Variants in ZCCHC7 observed in about 807,000 individuals in gnomAD.
ZCCHC7 encodes zinc finger CCHC-type containing 7, also known as zinc finger CCHC domain-containing protein 7.
A neutral mutation model predicts 52.0 loss-of-function variants in ZCCHC7; 35 were observed. That is an observed-to-expected ratio of 0.67 (90% CI 0.51 to 0.89). ZCCHC7 has a LOEUF of 0.89. ZCCHC7 is among the 40% of genes least tolerant of loss of function. The pLI, the probability that ZCCHC7 is intolerant of heterozygous loss-of-function variation, is 0.00. For missense variants in ZCCHC7, 574 were observed against 649.1 expected (o/e 0.88, Z 1.26); for synonymous variants, 217 against 221.5 (o/e 0.98, Z 0.18).
intron 2 of ZCCHC7, among the ~76,000 whole-genome samples, chr9:37,217,242 AAAAAG>A (rs1299255600): frequency 6.6e-6 from 1 of 152,192 alleles, no homozygotes; most frequent in Non-Finnish European, 1.5e-5. Flanking sequence ...CCGTGAAAAT[AAAAAG>A]AAATGTTTCA....
intron 5 of ZCCHC7, among the ~76,000 whole-genome samples, chr9:37,306,667 G>T (rs978653992): frequency 7.0e-6 from 1 of 142,042 alleles, no homozygotes; most frequent in African/African-American, 2.6e-5. Context: ...GTTTCACCAC[G>T]TTGGCCAGGA....
chr9:37,220,476 A>C (rs1824751389), intron 2 of ZCCHC7, among the ~76,000 whole-genome samples: 1 of 152,186 alleles, frequency 6.6e-6, no homozygotes, highest in East Asian at 1.9e-4. Context: ...CGGGAGGCGA[A>C]AGTTGCAGTG....
At chr9:37,323,447 G>A (rs1830126774) in intron 5 of ZCCHC7, among the ~76,000 whole-genome samples, 1 of 152,112 alleles carries the variant, frequency 6.6e-6, no homozygotes. Context: ...GACCTTGGGT[G>A]GAAAGATGAT....
chr9:37,134,145 AT>A (rs928749242), intron 2 of ZCCHC7, among the ~76,000 whole-genome samples: 4 of 151,492 alleles, frequency 2.6e-5, no homozygotes, highest in Non-Finnish European at 2.9e-5. Flanking sequence ...CTGGCTCCTA[AT>A]TTTTTTTTCT....
At chr9:37,289,271 TC>T (rs1420763676) in intron 2 of ZCCHC7, among the ~76,000 whole-genome samples, 1 of 151,786 alleles carries the variant, frequency 6.6e-6, no homozygotes, top group Non-Finnish European at 1.5e-5. Flanking sequence ...TGCATCAGCC[TC>T]CCAAGTAGCT....
intron 2 of ZCCHC7, among the ~76,000 whole-genome samples, chr9:37,266,494 T>C (rs1680172232): frequency 6.6e-6 from 1 of 152,192 alleles, no homozygotes; most frequent in South Asian, 2.1e-4. Context: ...TTTAAAAATA[T>C]ATAAAAATAG....
At chr9:37,138,181 G>A (rs1376087648) in intron 2 of ZCCHC7, among the ~76,000 whole-genome samples, 3 of 152,106 alleles carry the variant, frequency 2.0e-5, no homozygotes, top group Non-Finnish European at 4.4e-5. Context: ...ATAATGACTT[G>A]AGCTGTGTTA....
At chr9:37,143,535 A>G (rs1313654050) in intron 2 of ZCCHC7, among the ~76,000 whole-genome samples, 1 of 151,614 alleles carries the variant, frequency 6.6e-6, no homozygotes, top group Non-Finnish European at 1.5e-5. Context: ...TCTGTGTATG[A>G]AAGAAAATAG....
intron 2 of ZCCHC7, among the ~76,000 whole-genome samples, chr9:37,295,026 C>G (rs973660346): frequency 1.3e-5 from 2 of 152,212 alleles, no homozygotes; most frequent in African/African-American, 2.4e-5. Context: ...GGTAACTAAG[C>G]AATCATGCTT....
intron 2 of ZCCHC7, among the ~76,000 whole-genome samples, chr9:37,300,151 C>T (rs1306194039): frequency 6.6e-6 from 1 of 152,204 alleles, no homozygotes; most frequent in Non-Finnish European, 1.5e-5. Context: ...TAGAGTCGAT[C>T]TCCCTCCTTC....
At chr9:37,221,778 C>A (rs1417698590) in intron 2 of ZCCHC7, among the ~76,000 whole-genome samples, 1 of 151,706 alleles carries the variant, frequency 6.6e-6, no homozygotes, top group Non-Finnish European at 1.5e-5. Context: ...AATACGAGTA[C>A]TAAAAATGAT....
At chr9:37,130,492 AT>A (rs752923921) in intron 2 of ZCCHC7, among the ~76,000 whole-genome samples, 175 of 129,938 alleles carry the variant, frequency 1.3e-3, no homozygotes, top group African/African-American at 2.3e-3. Flanking sequence ...TGAAATCTCA[AT>A]TTTTTTTTTT....
At chr9:37,196,098 C>T (rs1052483633) in intron 2 of ZCCHC7, among the ~76,000 whole-genome samples, 9 of 151,802 alleles carry the variant, frequency 5.9e-5, no homozygotes, top group African/African-American at 2.2e-4. Flanking sequence ...TGTGTCAGGC[C>T]CAGATATATA....
chr9:37,253,951 GTTTTGCCAGTTGTTTAAA>G (rs1826452973), intron 2 of ZCCHC7, among the ~76,000 whole-genome samples: 1 of 151,864 alleles, frequency 6.6e-6, no homozygotes, highest in Non-Finnish European at 1.5e-5. Flanking sequence ...ACTAATTTCA[GTTTTGCCAGTTGTTTAAA>G]TTTTTCTTTA....
At chr9:37,184,960 G>C (rs147989335) in intron 2 of ZCCHC7, among the ~76,000 whole-genome samples, 1 of 152,100 alleles carries the variant, frequency 6.6e-6, no homozygotes, top group South Asian at 2.1e-4. Flanking sequence ...TAGATTTCCT[G>C]TGGGTTTCTA....
At chr9:37,189,608 G>A (rs543054556) in intron 2 of ZCCHC7, among the ~76,000 whole-genome samples, 8 of 151,992 alleles carry the variant, frequency 5.3e-5, no homozygotes, top group South Asian at 2.1e-4. Flanking sequence ...GGCTGGTCTC[G>A]AACTCCTGAC....
intron 8 of ZCCHC7, among the ~76,000 whole-genome samples, chr9:37,356,426 G>A (rs1251986525): frequency 6.6e-6 from 1 of 152,244 alleles, no homozygotes; most frequent in African/African-American, 2.4e-5. Flanking sequence ...CTTATCTTTA[G>A]AGGGTGGTTG....
chr9:37,134,326 A>G (rs1842914142), intron 2 of ZCCHC7, among the ~76,000 whole-genome samples: 1 of 152,100 alleles, frequency 6.6e-6, no homozygotes, highest in Non-Finnish European at 1.5e-5. Flanking sequence ...TGAATTTTAT[A>G]GTATTGCTTA....
intron 2 of ZCCHC7, among the ~76,000 whole-genome samples, chr9:37,283,887 G>A (rs985775697): frequency 1.8e-4 from 27 of 151,710 alleles, no homozygotes. Context: ...TTTAACTTAA[G>A]CTGCTGTGAA....
Sources: allele counts gnomAD v4.1 joint callset (sites outside exome capture counted in the v4.1 genomes callset), GRCh38; gene constraint gnomAD v4.1.1; transcripts MANE v1.5; gene names NCBI Gene and HGNC (gene_info 2026-07-23, HGNC 2026-07-21).